PPAT: variants seen among roughly 807,000 people sequenced by gnomAD.
PPAT encodes amidophosphoribosyltransferase.
Under a neutral mutation model 60.2 loss-of-function variants are expected in PPAT, and 20 were observed. That is an observed-to-expected ratio of 0.33 (90% CI 0.23 to 0.48). PPAT has a LOEUF of 0.48. PPAT is among the 20% of genes least tolerant of loss of function. The pLI, the probability that PPAT is intolerant of heterozygous loss-of-function variation, is 0.99. For synonymous variants in PPAT, 194 were observed against 215.1 expected (o/e 0.90, Z 0.86); for missense variants, 349 against 629.6 (o/e 0.55, Z 4.77).
At chr4:56,424,895 A>G (rs1454808943) in intron 1 of PPAT, among the ~76,000 whole-genome samples, 1 of 152,174 alleles carries the variant, frequency 6.6e-6, no homozygotes, top group East Asian at 1.9e-4. Flanking sequence ...AGTTAAACCT[A>G]TTTTAGGTCA....
At chr4:56,409,560 AC>A (rs1716354527) in intron 1 of PPAT, among the ~76,000 whole-genome samples, 2 of 152,236 alleles carry the variant, frequency 1.3e-5, no homozygotes, top group African/African-American at 4.8e-5. Flanking sequence ...AAGTGGTGAT[AC>A]AGAGAAAAAA....
chr4:56,409,776 C>T (rs1207427854), intron 1 of PPAT, among the ~76,000 whole-genome samples: 2 of 152,194 alleles, frequency 1.3e-5, no homozygotes, highest in African/African-American at 4.8e-5. Context: ...TAAACCTCTT[C>T]CATATGTGCC....
At position 56,396,762 on chromosome 4, in the gene PPAT, C is replaced by G; in HGVS notation, c.1237-23G>C. ...TACCTTGGAAAGAAATCATTGCACA[C>G]AAGGTTTTTAAGACTATGCAAAATT... is the stretch of plus-strand genomic sequence containing the variant. On this transcript the variant is annotated intron_variant, in intron 9 of 10. Coordinates refer to ENST00000264220, the MANE Select transcript of PPAT (RefSeq NM_002703.5). The surrounding 1 kb of genome is among the most constrained non-coding windows in gnomAD (Gnocchi z 4.6). 1 of 1,601,252 alleles carries G rather than the reference C, an allele frequency of 6.2e-7. No individual in the cohort carries two copies. Among genetic ancestry groups the G allele is most frequent in the Non-Finnish European group, 8.5e-7 (1 of 1,175,324 alleles).
chr4:56,413,299 G>A (rs987921777), intron 1 of PPAT, among the ~76,000 whole-genome samples: 3 of 152,088 alleles, frequency 2.0e-5, no homozygotes, highest in Non-Finnish European at 4.4e-5. Flanking sequence ...GATTAGAGGC[G>A]CAACGCCACC....
chr4:56,422,730 A>G (rs1214421136), intron 1 of PPAT: 1 of 152,184 alleles, frequency 6.6e-6, no homozygotes, highest in African/African-American at 2.4e-5. Context: ...AGACGCTACC[A>G]TACCTAAGAA....
chr4:56,424,127 T>C (rs1717176296), intron 1 of PPAT, among the ~76,000 whole-genome samples: 2 of 152,202 alleles, frequency 1.3e-5, no homozygotes, highest in African/African-American at 4.8e-5. Flanking sequence ...AATAGCTCCA[T>C]ATTGTTAACT....
At chr4:56,430,421 T>C (rs369001304) in intron 1 of PPAT, among the ~76,000 whole-genome samples, 1 of 152,038 alleles carries the variant, frequency 6.6e-6, no homozygotes, top group East Asian at 1.9e-4. Context: ...CCTGAACCAA[T>C]AAGGTCTCTG....
At chr4:56,423,040 T>G (rs1474660258) in intron 1 of PPAT, 8 of 152,194 alleles carry the variant, frequency 5.3e-5, no homozygotes, top group Non-Finnish European at 1.0e-4. Context: ...AGGTGAGATT[T>G]TGTGCTTGCT....
chr4:56,420,960 G>A (rs1396928066), intron 1 of PPAT: 1 of 99,882 alleles, frequency 1.0e-5, no homozygotes, highest in African/African-American at 3.9e-5. Flanking sequence ...CTCTAGACCA[G>A]GGGTCCCCAA....
At chr4:56,416,586 A>C (rs1716763709) in intron 1 of PPAT, 1 of 152,404 alleles carries the variant, frequency 6.6e-6, no homozygotes, top group Admixed American at 6.5e-5. Context: ...CACTGAAAAA[A>C]ATTATTTCTA....
At chr4:56,433,366 T>C (rs1387966303) in intron 1 of PPAT, among the ~76,000 whole-genome samples, 2 of 131,386 alleles carry the variant, frequency 1.5e-5, no homozygotes, top group East Asian at 2.2e-4. Context: ...AGAAAACAGA[T>C]ATATGTAACC....
At chr4:56,411,483 A>C (rs1036494193) in intron 1 of PPAT, among the ~76,000 whole-genome samples, 1 of 152,210 alleles carries the variant, frequency 6.6e-6, no homozygotes, top group African/African-American at 2.4e-5. Flanking sequence ...AAATGATCTG[A>C]GACTAAGTGA....
intron 1 of PPAT, chr4:56,410,530 A>G: frequency 1.0e-6 from 1 of 986,818 alleles, no homozygotes; most frequent in Non-Finnish European, 1.2e-6. Flanking sequence ...AGAGTGGAGC[A>G]GGAAAGCACT....
chr4:56,416,026 C>T (rs1381399089), intron 1 of PPAT, among the ~76,000 whole-genome samples: 3 of 150,882 alleles, frequency 2.0e-5, no homozygotes, highest in African/African-American at 4.9e-5. Context: ...GCCGAGATCA[C>T]ACCACTGCAC....
intron 8 of PPAT, chr4:56,400,075 T>C (rs1441102368): frequency 1.3e-5 from 2 of 152,242 alleles, no homozygotes; most frequent in African/African-American, 2.4e-5. Flanking sequence ...ACTGAATATA[T>C]AGTTGATGAA....
rs180709345 is a variant in PPAT, at chr4:56,418,094, C to T, written c.129-10378G>A. On this transcript the variant is annotated intron_variant, in intron 1 of 10. Coordinates refer to ENST00000264220, the MANE Select transcript of PPAT (RefSeq NM_002703.5). ...CCTCGTGATCCTCCTACCTTGGCCACCCAAAGTGCTGGGATTACAGGCGTG... is the reference window on the plus strand; with the variant it reads ...CCTCGTGATCCTCCTACCTTGGCCATCCAAAGTGCTGGGATTACAGGCGTG... Among the ~76,000 whole-genome samples, 357 of 152,146 alleles carry T rather than the reference C, an allele frequency of 2.3e-3. 1 individual carries two copies. Among genetic ancestry groups the T allele is most frequent in the African/African-American group, 8.2e-3 (339 of 41,504 alleles).
chr4:56,425,843 C>T (rs1286485376), intron 1 of PPAT, among the ~76,000 whole-genome samples: 1 of 152,144 alleles, frequency 6.6e-6, no homozygotes, highest in Non-Finnish European at 1.5e-5. Flanking sequence ...AAAACTCTGG[C>T]TTAGAGGAAG....
At chr4:56,420,184 A>T (rs925767084) in intron 1 of PPAT, 14 of 170,130 alleles carry the variant, frequency 8.2e-5, no homozygotes, top group African/African-American at 2.4e-5. Flanking sequence ...TTGCATATAC[A>T]TAGTGAGGTA....
At chr4:56,410,990 CTG>C in intron 1 of PPAT, 1 of 853,338 alleles carries the variant, frequency 1.2e-6, no homozygotes, top group Non-Finnish European at 1.4e-6. Flanking sequence ...TTCAGGACTT[CTG>C]TGGCCATATG....
Sources: gnomAD v4.1 joint callset for allele counts (sites outside exome capture counted in the v4.1 genomes callset) on GRCh38, gnomAD v4.1.1 for gene constraint, Gnocchi (gnomAD v3.1) non-coding constraint, MANE v1.5 for transcripts, NCBI Gene and HGNC (gene_info 2026-07-23, HGNC 2026-07-21) for gene names.